The following FSTL5 variants were observed in gnomAD, a reference collection of about 807,000 sequenced individuals.
The protein encoded by FSTL5 is follistatin-related protein 5.
Under a neutral mutation model 89.1 loss-of-function variants are expected in FSTL5, and 62 were observed. The ratio of observed to expected loss-of-function variants is 0.70; its 90% confidence interval spans 0.57 to 0.86. The LOEUF (loss-of-function observed/expected upper bound fraction) is 0.86, where lower values mean the gene tolerates loss of function less well. Ranked by LOEUF, FSTL5 falls within the 40% of genes least tolerant of loss-of-function variation. FSTL5 has a pLI of 0.00. For synonymous variants in FSTL5, 383 were observed against 346.2 expected (o/e 1.11, Z -1.18); for missense variants, 1,057 against 1,001.6 (o/e 1.06, Z -0.75).
intron 7 of FSTL5, among the ~76,000 whole-genome samples, chr4:161,624,709 A>G (rs1339308509): frequency 6.6e-6 from 1 of 152,114 alleles, no homozygotes; most frequent in Non-Finnish European, 1.5e-5. Flanking sequence ...CTCTGCAATA[A>G]GTTAAGCATC....
At position 161,797,785 on chromosome 4, in the gene FSTL5, GC is replaced by G. The variant is rs553929272; in HGVS notation, c.410-21712del. Among the ~76,000 whole-genome samples the G allele has an allele frequency of 3.4e-3, 517 of 151,556 alleles. 4 individuals are homozygous for G. The highest frequency in any genetic ancestry group is 0.011 in the African/African-American group (469 of 41,472). On this transcript the variant is annotated intron_variant, in intron 4 of 15. Transcript: ENST00000306100. Reference sequence around the variant, plus strand: ...GCTTCGTTAATATGATATTTTTGAAGCTTTTCTATTAGAAATATTTCAATTA... The same window carrying G: ...GCTTCGTTAATATGATATTTTTGAAGTTTTCTATTAGAAATATTTCAATTA...
chr4:161,485,204 A>T (rs1309877107), intron 12 of FSTL5, among the ~76,000 whole-genome samples: 1 of 152,214 alleles, frequency 6.6e-6, no homozygotes, highest in Non-Finnish European at 1.5e-5. Flanking sequence ...ATCCCATGTT[A>T]GTGTACATTC....
In FSTL5 at chr4:161,989,654, G is replaced by A. The variant is rs1322863925; in HGVS notation, c.160+43971C>T. On this transcript the variant is annotated intron_variant, in intron 3 of 15. Coordinates refer to ENST00000306100, the MANE Select transcript of FSTL5 (RefSeq NM_020116.5). ...TCAGTCTCAAAATGTTACATACTACGTGAGTCCACTACTATGATACTCAGC... is the reference window on the plus strand; with the variant it reads ...TCAGTCTCAAAATGTTACATACTACATGAGTCCACTACTATGATACTCAGC... Among the ~76,000 whole-genome samples the A allele has an allele frequency of 3.3e-5, 5 of 152,192 alleles. No individual in the cohort carries two copies. In the East Asian group the frequency reaches 7.7e-4, roughly 24 times the overall value.
At chr4:162,007,131 A>C (rs1187151365) in intron 3 of FSTL5, among the ~76,000 whole-genome samples, 1 of 151,812 alleles carries the variant, frequency 6.6e-6, no homozygotes. Context: ...AGTTGTTATA[A>C]AGAAAATTTT....
intron 1 of FSTL5, among the ~76,000 whole-genome samples, chr4:162,115,123 A>T (rs1010814777): frequency 6.6e-6 from 1 of 152,132 alleles, no homozygotes; most frequent in African/African-American, 2.4e-5. Flanking sequence ...ATAGCCAAAA[A>T]AGACCAGAGA....
intron 3 of FSTL5, among the ~76,000 whole-genome samples, chr4:162,001,598 T>TTGTGTGTGTGTGTGTG (rs34546507): frequency 2.0e-5 from 3 of 149,926 alleles, no homozygotes; most frequent in East Asian, 2.0e-4. Flanking sequence ...GATACATGCA[T>TTGTGTGTGTGTGTGTG]TGTGTGTGTG....
chr4:161,435,898 G>T (rs1028949944), intron 15 of FSTL5, among the ~76,000 whole-genome samples: 27 of 151,864 alleles, frequency 1.8e-4, no homozygotes, highest in African/African-American at 6.0e-4. Flanking sequence ...TCCCCCCAAA[G>T]AACTAAAACT....
chr4:161,886,169 C>T (rs1732800681), intron 4 of FSTL5, among the ~76,000 whole-genome samples: 1 of 152,094 alleles, frequency 6.6e-6, no homozygotes, highest in African/African-American at 2.4e-5. Flanking sequence ...AAATACAACA[C>T]AATTTGAAAT....
At chr4:161,458,170 C>T (rs1346434620) in intron 14 of FSTL5, among the ~76,000 whole-genome samples, 1 of 152,182 alleles carries the variant, frequency 6.6e-6, no homozygotes, top group Non-Finnish European at 1.5e-5. Context: ...GTAACTGGAG[C>T]CCATGAGTGC....
At chr4:162,074,558 A>G (rs537687320) in intron 2 of FSTL5, among the ~76,000 whole-genome samples, 1 of 151,808 alleles carries the variant, frequency 6.6e-6, no homozygotes, top group Non-Finnish European at 1.5e-5. Context: ...TAATTGTTCC[A>G]CCTACTGTGC....
At chr4:162,030,773 C>T (rs1375408523) in intron 3 of FSTL5, among the ~76,000 whole-genome samples, 1 of 151,978 alleles carries the variant, frequency 6.6e-6, no homozygotes, top group African/African-American at 2.4e-5. Context: ...ATTTGTAAAC[C>T]AATAATTACT....
At chr4:161,788,027 CT>C (rs1460207242) in intron 4 of FSTL5, among the ~76,000 whole-genome samples, 1 of 152,002 alleles carries the variant, frequency 6.6e-6, no homozygotes, top group East Asian at 1.9e-4. Flanking sequence ...TAATTTTCAC[CT>C]TGTGCATAAA....
At chr4:161,515,912 A>C (rs551370364) in intron 10 of FSTL5, among the ~76,000 whole-genome samples, 1 of 151,790 alleles carries the variant, frequency 6.6e-6, no homozygotes, top group African/African-American at 2.4e-5. Context: ...AGCCTTTAAA[A>C]CATTTGATAT....
rs28477713 is a variant in FSTL5 at position 161,389,645 on chromosome 4, T to C, written c.1842-3196A>G. On this transcript the variant is annotated intron_variant, in intron 15 of 15. Transcript: ENST00000306100. ...AATAGACCTTACATAAATGTGACCT[T>C]ATGTAAAGTCCTTGACTTCCACGAG... Among the ~76,000 whole-genome samples, 1,029 of 152,290 alleles carry C rather than the reference T, an allele frequency of 6.8e-3. 13 individuals are homozygous for C. Among genetic ancestry groups the C allele is most frequent in the African/African-American group, 0.023 (953 of 41,562 alleles).
At chr4:161,517,541 C>T (rs1415656350) in intron 10 of FSTL5, among the ~76,000 whole-genome samples, 1 of 152,062 alleles carries the variant, frequency 6.6e-6, no homozygotes, top group African/African-American at 2.4e-5. Flanking sequence ...TAGGATCTTA[C>T]ACTTATTTTC....
chr4:161,819,745 G>C (rs1730435055), intron 4 of FSTL5, among the ~76,000 whole-genome samples: 1 of 151,880 alleles, frequency 6.6e-6, no homozygotes, highest in African/African-American at 2.4e-5. Context: ...AAGCTCCTTT[G>C]AAATTTAAGC....
intron 6 of FSTL5, among the ~76,000 whole-genome samples, chr4:161,749,585 C>T (rs974232702): frequency 1.3e-5 from 2 of 151,964 alleles, no homozygotes; most frequent in Non-Finnish European, 2.9e-5. Flanking sequence ...ATCCCGAGGT[C>T]AGGAGATCAA....
chr4:161,600,011 T>C (rs755716691), intron 7 of FSTL5, among the ~76,000 whole-genome samples: 161 of 152,228 alleles, frequency 1.1e-3, no homozygotes, highest in Non-Finnish European at 1.9e-3. Flanking sequence ...TTTCAGAAAG[T>C]TTAAGTAACT....
chr4:161,620,466 C>T (rs910899982), intron 7 of FSTL5, among the ~76,000 whole-genome samples: 2 of 152,088 alleles, frequency 1.3e-5, no homozygotes, highest in African/African-American at 4.8e-5. Flanking sequence ...ACCAACCTGA[C>T]CACTATGGAG....
Sources: gnomAD v4.1 joint callset for allele counts (sites outside exome capture counted in the v4.1 genomes callset) on GRCh38, gnomAD v4.1.1 for gene constraint, MANE v1.5 for transcripts, NCBI Gene and HGNC (gene_info 2026-07-23, HGNC 2026-07-21) for gene names.